Variants in TCN1 observed in about 807,000 individuals in gnomAD.
The protein encoded by TCN1 is transcobalamin 1.
TCN1 carries 47 observed loss-of-function variants against 46.3 expected under a neutral mutation model. That is an observed-to-expected ratio of 1.01 (90% CI 0.80 to 1.29). TCN1 has a LOEUF of 1.29. Among genes scored for constraint, TCN1 ranks in the 50% most tolerant of loss-of-function variants. The pLI, the probability that TCN1 is intolerant of heterozygous loss-of-function variation, is 0.00. For synonymous variants in TCN1, 183 were observed against 192.5 expected, an observed-to-expected ratio of 0.95 and a Z score of 0.41; for missense variants, 532 against 511.0, an observed-to-expected ratio of 1.04 and a Z score of -0.40.
intron 4 of TCN1, among the ~76,000 whole-genome samples, chr11:59,860,523 G>A (rs1384702037): frequency 6.6e-6 from 1 of 151,988 alleles, no homozygotes; most frequent in Non-Finnish European, 1.5e-5. Flanking sequence ...CACATGGACA[G>A]TATTTCACTT....
chr11:59,854,522 G>A, intron 7 of TCN1, 130 bp downstream of exon 7: 2 of 921,870 alleles, frequency 2.2e-6, no homozygotes, highest in Non-Finnish European at 1.7e-6. Context: ...GCTGTGAGAT[G>A]TAGATGGACA....
At chr11:59,855,413 C>G (rs1852919825) in intron 6 of TCN1, among the ~76,000 whole-genome samples, 2 of 152,160 alleles carry the variant, frequency 1.3e-5, no homozygotes, top group African/African-American at 4.8e-5. Context: ...TTCCTTCTAC[C>G]TGGTTGCAAG....
chr11:59,864,100 G>T lies in TCN1; in HGVS notation c.80-14C>A. 1 of 1,613,290 alleles carries T rather than the reference G, an allele frequency of 6.2e-7. No homozygotes were observed. The highest frequency in any genetic ancestry group is 8.5e-7 in the Non-Finnish European group (1 of 1,179,352). Reference sequence around the variant, plus strand: ...CTTCACTTACCTCTGTGGCAGAGAAGGAAGGAAATAAGAAACACATACTCA... The same window carrying T: ...CTTCACTTACCTCTGTGGCAGAGAATGAAGGAAATAAGAAACACATACTCA... On this transcript the variant is annotated splice_polypyrimidine_tract_variant and intron_variant, in intron 1 of 8. Coordinates refer to ENST00000257264, the MANE Select transcript of TCN1 (RefSeq NM_001062.4).
Position 59,855,885 on chromosome 11 carries a change from A to G in TCN1, c.921T>C (p.Ser307=). Residue 307 remains serine (S), a synonymous_variant, in exon 6 of 9, where the codon TCT becomes TCC. Transcript: ENST00000257264. ...TGCTTATACCTGAAGCAGAGACGCA[A>G]GAAGAGTCTTTGTTAATATCCAAGA... ...KTFLDINKDS[S]CVSASGNFNI... The G allele has an allele frequency of 1.2e-6, 2 of 1,613,866 alleles. No individual in the cohort carries two copies. The highest frequency in any genetic ancestry group is 1.7e-6 in the Non-Finnish European group (2 of 1,179,774).
In TCN1 at chr11:59,853,201, A is replaced by G. The variant is rs758769573; in HGVS notation, c.1240+2T>C. On this transcript the variant is annotated splice_donor_variant, in intron 8 of 8. Transcript: ENST00000257264. LOFTEE classifies it high-confidence loss of function. ...GGTCTTTTTGGCATGTCTCTCCCTT[A>G]CCTTGGCTCAGTGGTTCGCCTCCAC... 2 of 1,613,694 alleles carry G rather than the reference A, an allele frequency of 1.2e-6. No homozygotes were observed. Among genetic ancestry groups the G allele is most frequent in the Non-Finnish European group, 1.7e-6 (2 of 1,179,900 alleles).
At chr11:59,856,417 A>G (rs1484074852) in intron 5 of TCN1, among the ~76,000 whole-genome samples, 3 of 152,114 alleles carry the variant, frequency 2.0e-5, no homozygotes, top group Non-Finnish European at 4.4e-5. Flanking sequence ...AGGAGTTGCC[A>G]GAGGAATGCC....
chr11:59,853,384 A>G, intron 7 of TCN1, 63 bp from the exon 8 acceptor site: 1 of 1,438,794 alleles, frequency 7.0e-7, no homozygotes, highest in Non-Finnish European at 9.8e-7. Flanking sequence ...AACAATAGGC[A>G]TTTCTCAAAC....
chr11:59,864,319 G>T (rs1207027719), intron 1 of TCN1, among the ~76,000 whole-genome samples: 1 of 152,144 alleles, frequency 6.6e-6, no homozygotes, highest in Non-Finnish European at 1.5e-5. Flanking sequence ...AACAACTGGT[G>T]CAGACTTATC....
intron 3 of TCN1, 107 bp downstream of exon 3, chr11:59,862,475 A>G: frequency 7.3e-7 from 1 of 1,372,092 alleles, no homozygotes; most frequent in Non-Finnish European, 1.0e-6. Context: ...ACATAGTGAG[A>G]TGAACGGGAT....
chr11:59,858,807 A>G (rs1434178327), intron 5 of TCN1, among the ~76,000 whole-genome samples: 1 of 152,102 alleles, frequency 6.6e-6, no homozygotes, highest in Non-Finnish European at 1.5e-5. Context: ...TGTCTCTACT[A>G]AAAATAGAAA....
At chr11:59,863,375 A>G (rs1853037890) in intron 2 of TCN1, among the ~76,000 whole-genome samples, 1 of 152,066 alleles carries the variant, frequency 6.6e-6, no homozygotes, top group African/African-American at 2.4e-5. Flanking sequence ...TAGGATAGTA[A>G]TTCTTGATTT....
rs77116206 is a variant in TCN1, at chr11:59,861,593, C to T, written c.490G>A (p.Ala164Thr). The change falls in exon 4 of 9, where the codon GCC becomes ACC. Residue 164 changes from alanine (A) to threonine (T), a missense_variant. Physicochemically the swap from Ala to Thr is moderately conservative, Grantham distance 58. Transcript: ENST00000257264. Reference sequence around the variant, plus strand: ...GGAGTGAAGTGGTTGACAACTTCGGCGGTTGAGTAGTTCCCATTGAACAGA... The same window carrying T: ...GGAGTGAAGTGGTTGACAACTTCGGTGGTTGAGTAGTTCCCATTGAACAGA... Reference protein sequence around the residue: ...LCLFNGNYSTAEVVNHFTPEN... With the variant: ...LCLFNGNYSTTEVVNHFTPEN... The T allele has an allele frequency of 3.4e-5, 55 of 1,614,054 alleles. No homozygotes were observed. The highest frequency in any genetic ancestry group is 1.7e-4 in the Middle Eastern group (1 of 6,060).
chr11:59,857,218 T>G (rs1358110099), intron 5 of TCN1, among the ~76,000 whole-genome samples: 1 of 152,204 alleles, frequency 6.6e-6, no homozygotes, highest in Non-Finnish European at 1.5e-5. Flanking sequence ...TAGCTCTTGA[T>G]CCTACTGTGA....
intron 4 of TCN1, 148 bp downstream of exon 4, chr11:59,861,379 T>G (rs1853012499): frequency 1.2e-6 from 1 of 857,554 alleles, no homozygotes; most frequent in African/African-American, 1.7e-5. Flanking sequence ...TCATCCATTC[T>G]TCTCAAAAAG....
intron 7 of TCN1, among the ~76,000 whole-genome samples, chr11:59,854,331 A>G (rs1852899184): frequency 6.6e-6 from 1 of 150,602 alleles, no homozygotes; most frequent in Admixed American, 6.6e-5. Context: ...CCGTGATTCA[A>G]AAAGAGTTAA....
chr11:59,862,793 G>T (rs956940846), intron 2 of TCN1, 71 bp from the exon 3 acceptor site: 2 of 1,553,646 alleles, frequency 1.3e-6, no homozygotes, highest in African/African-American at 2.7e-5. Context: ...ATTTCCTTGA[G>T]ACTTATATTG....
At position 59,860,228 on chromosome 11, in the gene TCN1, C is replaced by G. The variant is rs562171352; in HGVS notation, c.557-961G>C. On this transcript the variant is annotated intron_variant, in intron 4 of 8. Transcript: ENST00000257264. ...CCCTGCGAACTCTGCCTCCTGGGTT[C>G]TAGTGATTCTCCTGCCTCAGCCTCC... Among the ~76,000 whole-genome samples the G allele has an allele frequency of 9.9e-5, 15 of 152,218 alleles. No individual in the cohort carries two copies. In the South Asian group the frequency reaches 2.9e-3, roughly 29 times the overall value.
At chr11:59,865,239 T>C (rs1404580190) in intron 1 of TCN1, among the ~76,000 whole-genome samples, 1 of 152,122 alleles carries the variant, frequency 6.6e-6, no homozygotes. Flanking sequence ...ATGGAACAAT[T>C]GTGAGTCAGT....
At chr11:59,853,452 A>G in intron 7 of TCN1, 131 bp from the exon 8 acceptor site, 5 of 855,200 alleles carry the variant, frequency 5.8e-6, no homozygotes, top group Non-Finnish European at 7.9e-6. Context: ...TCCTGGCCCT[A>G]TCCATAGATA....
Sources: gnomAD v4.1 joint callset for allele counts (sites outside exome capture counted in the v4.1 genomes callset) on GRCh38, gnomAD v4.1.1 for gene constraint, MANE v1.5 for transcripts, NCBI Gene and HGNC (gene_info 2026-07-23, HGNC 2026-07-21) for gene names.